The following MRAP2 variants were observed in gnomAD, a reference collection of about 807,000 sequenced individuals.
MRAP2 encodes melanocortin 2 receptor accessory protein 2, also known as melanocortin-2 receptor accessory protein 2.
A neutral mutation model predicts 17.4 loss-of-function variants in MRAP2; 20 were observed. The observed-to-expected ratio is 1.15, with a 90% CI of 0.81 to 1.67. The LOEUF (loss-of-function observed/expected upper bound fraction) is 1.67. Among genes scored for constraint, MRAP2 ranks in the 40% most tolerant of loss-of-function variants. The pLI is 0.00. For synonymous variants in MRAP2, 96 were observed against 88.4 expected, an observed-to-expected ratio of 1.09 and a Z score of -0.48; for missense variants, 238 against 240.0, an observed-to-expected ratio of 0.99 and a Z score of 0.05.
chr6:84,111,868 G>A, the MRAP2 span, among the ~76,000 whole-genome samples: 1 of 152,264 alleles, frequency 6.6e-6, no homozygotes, highest in South Asian at 2.1e-4. Flanking sequence ...TAATCATGTG[G>A]TTTTTGTCAT....
intron 3 of MRAP2, among the ~76,000 whole-genome samples, chr6:84,070,884 C>A (rs1450045829): frequency 2.0e-5 from 3 of 152,018 alleles, no homozygotes; most frequent in African/African-American, 7.2e-5. Flanking sequence ...GAATAGCTAC[C>A]CCTGCTTGTT....
intron 3 of MRAP2, among the ~76,000 whole-genome samples, chr6:84,075,509 A>C (rs1033761239): frequency 2.0e-5 from 3 of 152,198 alleles, no homozygotes; most frequent in Non-Finnish European, 2.9e-5. Flanking sequence ...AAGATAAAAG[A>C]AGCATTTCCT....
the MRAP2 span, among the ~76,000 whole-genome samples, chr6:84,133,407 A>G: frequency 2.6e-5 from 4 of 152,206 alleles, no homozygotes; most frequent in South Asian, 4.1e-4. Flanking sequence ...GGGACGTTTA[A>G]GTCTGCAGAA....
intron 3 of MRAP2, among the ~76,000 whole-genome samples, chr6:84,079,569 A>G (rs1009982054): frequency 2.0e-5 from 3 of 152,234 alleles, no homozygotes; most frequent in Non-Finnish European, 4.4e-5. Context: ...CATTGATGAT[A>G]AGAATGGTAA....
At chr6:84,061,079 A>G (rs2099493053) in intron 2 of MRAP2, among the ~76,000 whole-genome samples, 1 of 152,108 alleles carries the variant, frequency 6.6e-6, no homozygotes, top group Non-Finnish European at 1.5e-5. Context: ...ACTTAAGGTT[A>G]GACACATTAG....
At chr6:84,040,617 G>C (rs1457381467) in intron 1 of MRAP2, among the ~76,000 whole-genome samples, 1 of 152,176 alleles carries the variant, frequency 6.6e-6, no homozygotes, top group East Asian at 1.9e-4. Flanking sequence ...TACTGATAGT[G>C]ATATGGACAA....
chr6:84,145,962 A>C, the MRAP2 span, among the ~76,000 whole-genome samples: 1 of 152,134 alleles, frequency 6.6e-6, no homozygotes, highest in African/African-American at 2.4e-5. Flanking sequence ...TTAGATCACC[A>C]TATAGAGGCC....
intron 3 of MRAP2, among the ~76,000 whole-genome samples, chr6:84,087,716 G>T (rs2099500858): frequency 6.6e-6 from 1 of 152,208 alleles, no homozygotes; most frequent in Non-Finnish European, 1.5e-5. Context: ...TAGAATATTG[G>T]ATTCTTGCAT....
chr6:84,125,587 A>G, the MRAP2 span, among the ~76,000 whole-genome samples: 2 of 152,152 alleles, frequency 1.3e-5, no homozygotes, highest in Non-Finnish European at 2.9e-5. Flanking sequence ...GATAAGAACC[A>G]GTGTTTCCAC....
At chr6:84,038,165 G>A (rs2099486647) in intron 1 of MRAP2, among the ~76,000 whole-genome samples, 1 of 152,244 alleles carries the variant, frequency 6.6e-6, no homozygotes, top group African/African-American at 2.4e-5. Context: ...CTGGCCTAAG[G>A]GCGAGGGCCC....
intron 2 of MRAP2, among the ~76,000 whole-genome samples, chr6:84,059,222 C>G (rs566227474): frequency 6.6e-6 from 1 of 152,144 alleles, no homozygotes; most frequent in Non-Finnish European, 1.5e-5. Context: ...CATGCTTTTT[C>G]GTGTGCCACC....
chr6:84,116,195 T>C, the MRAP2 span, among the ~76,000 whole-genome samples: 4 of 152,312 alleles, frequency 2.6e-5, no homozygotes, highest in South Asian at 6.2e-4. Context: ...GGCATCCTTG[T>C]TGATATGGTT....
At chr6:84,110,248 T>C in the MRAP2 span, among the ~76,000 whole-genome samples, 8 of 152,310 alleles carry the variant, frequency 5.3e-5, no homozygotes, top group Admixed American at 5.2e-4. Flanking sequence ...TTCTCCAGCA[T>C]CTGTTGCTTC....
chr6:84,063,456 A>G, intron 3 of MRAP2: 1 of 975,796 alleles, frequency 1.0e-6, no homozygotes, highest in Non-Finnish European at 1.2e-6. Flanking sequence ...GACAATGATT[A>G]ATAAATTTAA....
chr6:84,141,277 A>G, the MRAP2 span, among the ~76,000 whole-genome samples: 1 of 151,956 alleles, frequency 6.6e-6, no homozygotes, highest in Admixed American at 6.6e-5. Context: ...TTTTAAAGGG[A>G]GCATTCATTC....
intron 3 of MRAP2, among the ~76,000 whole-genome samples, chr6:84,084,767 A>G (rs1186950197): frequency 1.3e-5 from 2 of 152,138 alleles, no homozygotes; most frequent in Admixed American, 6.5e-5. Flanking sequence ...CATGATGCCC[A>G]TTGAGTTTGT....
rs910270730 is a variant in MRAP2, at chr6:84,041,478, C to G, written c.-8+7595C>G. Among the ~76,000 whole-genome samples, 4 of 152,316 alleles carry G rather than the reference C, an allele frequency of 2.6e-5. No homozygotes were observed. In the East Asian group the frequency reaches 7.7e-4, roughly 29 times the overall value. ...CCTCCAGTCGCCAGAATGGTGGATC[C>G]ACTGATAGCTTGCCCCGTGCACCTG... is the stretch of plus-strand genomic sequence containing the variant. On this transcript the variant is annotated intron_variant, in intron 1 of 3. Coordinates refer to ENST00000257776, the MANE Select transcript of MRAP2 (RefSeq NM_138409.4).
the MRAP2 span, among the ~76,000 whole-genome samples, chr6:84,119,319 CCAATTTGTGTTTTTGTT>C: frequency 6.6e-6 from 1 of 152,046 alleles, no homozygotes; most frequent in Non-Finnish European, 1.5e-5. Context: ...GGGATTTCTT[CCAATTTGTGTTTTTGTT>C]CAATTTCTTT....
intron 1 of MRAP2, among the ~76,000 whole-genome samples, chr6:84,036,655 G>A (rs111475292): frequency 0.012 from 1,892 of 152,246 alleles, 46 homozygotes; most frequent in African/African-American, 0.043. Context: ...AGCTTCCACA[G>A]TGTGGAAGGG....
Sources: allele counts gnomAD v4.1 joint callset (sites outside exome capture counted in the v4.1 genomes callset), GRCh38; gene constraint gnomAD v4.1.1; transcripts MANE v1.5; gene names NCBI Gene and HGNC (gene_info 2026-07-23, HGNC 2026-07-21).